STAT4: variants seen among roughly 807,000 people sequenced by gnomAD.
The protein encoded by STAT4 is signal transducer and activator of transcription 4.
STAT4 carries 42 observed loss-of-function variants against 110.5 expected under a neutral mutation model. The observed-to-expected ratio is 0.38, with a 90% confidence interval of 0.30 to 0.49. The LOEUF (loss-of-function observed/expected upper bound fraction) is 0.49. Ranked by LOEUF, STAT4 falls within the 20% of genes least tolerant of loss-of-function variation. The pLI is 0.95. For missense variants in STAT4, 632 were observed against 887.9 expected, an observed-to-expected ratio of 0.71 and a Z score of 3.66; for synonymous variants, 284 against 302.2, an observed-to-expected ratio of 0.94 and a Z score of 0.63.
In STAT4 at chr2:191,033,874, T is replaced by C. The variant is rs1310982483; in HGVS notation, c.1715+37A>G. The C allele has an allele frequency of 3.3e-6, 5 of 1,508,326 alleles. No homozygotes were observed. The highest frequency in any genetic ancestry group is 2.3e-5 in the East Asian group (1 of 44,070). 93.4% of individuals were successfully genotyped at this position (1,508,326 alleles called of 1,614,324 possible). A position where few individuals can be genotyped will look rare whatever the true frequency, so the allele number is the denominator to read the frequency against. On this transcript the variant is annotated intron_variant, in intron 19 of 23. Coordinates refer to ENST00000392320, the MANE Select transcript of STAT4 (RefSeq NM_003151.4). This position sits in a 1 kb window ranked among gnomAD's most constrained non-coding sequence, Gnocchi z 6.9. ...CCAATAACAACAGAAAAAAAGAACATAATTAACTCATATGAAAAATATAGC... is the reference window on the plus strand; with the variant it reads ...CCAATAACAACAGAAAAAAAGAACACAATTAACTCATATGAAAAATATAGC...
chr2:191,089,058 G>C (rs1053696833), intron 3 of STAT4, among the ~76,000 whole-genome samples: 1 of 152,064 alleles, frequency 6.6e-6, no homozygotes, highest in Non-Finnish European at 1.5e-5. Context: ...AACACTAAAG[G>C]CAAAATTCAT....
At chr2:191,040,157 C>G (rs3024878) in intron 15 of STAT4, among the ~76,000 whole-genome samples, 13 of 152,318 alleles carry the variant, frequency 8.5e-5, no homozygotes, top group Middle Eastern at 3.4e-3. Flanking sequence ...TGCACTGATT[C>G]ATTCACGGTG....
intron 4 of STAT4, 90 bp from the exon 5 acceptor site, chr2:191,073,280 G>A: frequency 1.0e-6 from 1 of 989,630 alleles, no homozygotes; most frequent in South Asian, 1.4e-5. Flanking sequence ...CCTGAGGTCT[G>A]GATCAATGTG....
intron 6 of STAT4, among the ~76,000 whole-genome samples, chr2:191,068,755 AG>A (rs1697064877): frequency 6.6e-6 from 1 of 152,176 alleles, no homozygotes; most frequent in African/African-American, 2.4e-5. Flanking sequence ...GATCAAAACA[AG>A]TAAATTAACA....
At chr2:191,141,615 A>G in intron 3 of STAT4, among the ~76,000 whole-genome samples, 1 of 94,518 alleles carries the variant, frequency 1.1e-5, no homozygotes, top group South Asian at 3.4e-4. Context: ...ACACACACAC[A>G]TATATATATA....
rs4434028 is a variant in STAT4, at chr2:191,042,929, G to A, written c.1252-1781C>T. On this transcript the variant is annotated intron_variant, in intron 14 of 23. Transcript: ENST00000392320. This position sits in a 1 kb window ranked among gnomAD's most constrained non-coding sequence, Gnocchi z 4.2. Reference sequence around the variant, plus strand: ...TGAGTAGCTGGGATTACAGGCATGCGCCACCATGCCTGGCTAATTTTGTAT... The same window carrying A: ...TGAGTAGCTGGGATTACAGGCATGCACCACCATGCCTGGCTAATTTTGTAT... 0.41 allele frequency among the ~76,000 whole-genome samples: 62,966 copies of A among 151,864 alleles called. 15,937 individuals are homozygous for A. The highest frequency in any genetic ancestry group is 0.57 in the Non-Finnish European group (38,645 of 67,924).
intron 3 of STAT4, among the ~76,000 whole-genome samples, chr2:191,136,269 C>T (rs1276621522): frequency 2.0e-5 from 3 of 152,124 alleles, no homozygotes; most frequent in Non-Finnish European, 2.9e-5. Flanking sequence ...CATGACAAAC[C>T]TACAGCTAAC....
At chr2:191,076,020 T>G in intron 4 of STAT4, 1 of 506,226 alleles carries the variant, frequency 2.0e-6, no homozygotes, top group Non-Finnish European at 3.6e-6. Flanking sequence ...CAACTAATTT[T>G]TAATTTTTTT....
chr2:191,121,090 C>T (rs1353755658), intron 3 of STAT4, among the ~76,000 whole-genome samples: 2 of 152,128 alleles, frequency 1.3e-5, no homozygotes, highest in Non-Finnish European at 2.9e-5. Context: ...AAACAAACAA[C>T]CCCATCAAAA....
chr2:191,088,738 A>G (rs1316068889), intron 3 of STAT4, among the ~76,000 whole-genome samples: 1 of 152,212 alleles, frequency 6.6e-6, no homozygotes, highest in Non-Finnish European at 1.5e-5. Flanking sequence ...AGATAGATCA[A>G]TGGAACAGAA....
At chr2:191,119,921 G>C (rs1432380912) in intron 3 of STAT4, among the ~76,000 whole-genome samples, 1 of 152,180 alleles carries the variant, frequency 6.6e-6, no homozygotes, top group Non-Finnish European at 1.5e-5. Context: ...ATCATTTCAA[G>C]AAATGGCTCT....
In STAT4 at chr2:191,031,251, A is replaced by G; in HGVS notation, c.2112-171T>C. ...CAACTTACTGTGGCATATATGGCATATAAAAGGGGAATTTTATAATTTTAG... is the reference window on the plus strand; with the variant it reads ...CAACTTACTGTGGCATATATGGCATGTAAAAGGGGAATTTTATAATTTTAG... On this transcript the variant is annotated intron_variant, in intron 22 of 23. Transcript: ENST00000392320. The surrounding 1 kb of genome is among the most constrained non-coding windows in gnomAD (Gnocchi z 4.8). 1.1e-6 allele frequency: 1 copy of G among 881,462 alleles called. No homozygotes were observed. Among genetic ancestry groups the G allele is most frequent in the Middle Eastern group, 2.6e-4 (1 of 3,782 alleles). 54.6% of individuals were successfully genotyped at this position (881,462 alleles called of 1,614,324 possible). A position where few individuals can be genotyped will look rare whatever the true frequency, so the allele number is the denominator to read the frequency against.
At chr2:191,088,701 C>T (rs1347258407) in intron 3 of STAT4, among the ~76,000 whole-genome samples, 4 of 152,144 alleles carry the variant, frequency 2.6e-5, no homozygotes, top group Non-Finnish European at 5.9e-5. Context: ...GTAATCAAGA[C>T]AGTGTGGTAC....
chr2:191,058,098 C>T lies in STAT4; in HGVS notation c.1126G>A (p.Val376Ile), dbSNP rs1559047895. The change falls in exon 13 of 24, where the codon GTA (valine) becomes ATA (isoleucine). Residue 376 changes from valine (V) to isoleucine (I), a missense_variant. Coordinates refer to ENST00000392320, the MANE Select transcript of STAT4 (RefSeq NM_003151.4). The surrounding 1 kb of genome is among the most constrained non-coding windows in gnomAD (Gnocchi z 4.3). ...NVSTLSNRRF[V>I]LCGTNVKAMS... ...GCTTTGACATTAGTTCCACAAAGTA[C>T]AAATCTTCGGTTGCTGGAGAGGAAA... 1 of 1,613,920 alleles carries T rather than the reference C, an allele frequency of 6.2e-7. No individual in the cohort carries two copies. Among genetic ancestry groups the T allele is most frequent in the Non-Finnish European group, 8.5e-7 (1 of 1,179,922 alleles).
intron 3 of STAT4, among the ~76,000 whole-genome samples, chr2:191,134,328 T>A (rs553940173): frequency 6.6e-6 from 1 of 152,178 alleles, no homozygotes; most frequent in African/African-American, 2.4e-5. Context: ...CCCACACACC[T>A]GCCTGGCCTA....
intron 3 of STAT4, among the ~76,000 whole-genome samples, chr2:191,092,178 G>C (rs903053341): frequency 6.6e-6 from 1 of 152,108 alleles, no homozygotes; most frequent in Non-Finnish European, 1.5e-5. Flanking sequence ...GGTTGAGGGG[G>C]GCAGATCACG....
rs546703694 is a variant in STAT4, at chr2:191,078,696, G to GA, written c.274-2372dup. 1.2e-4 allele frequency among the ~76,000 whole-genome samples: 19 copies of GA among 152,198 alleles called. No homozygotes were observed. The South Asian group carries it at 3.9e-3, about 32-fold the overall frequency. On this transcript the variant is annotated intron_variant, in intron 3 of 23. Coordinates refer to ENST00000392320, the MANE Select transcript of STAT4 (RefSeq NM_003151.4). The stretch of plus-strand genomic sequence containing the variant: ...GTGGGAGGAAGGAAGCAGCATGCCA[G>GA]AAAAAGAGAAACTGCTCATTTTCTG...
At chr2:191,100,929 C>T (rs1443475425) in intron 3 of STAT4, among the ~76,000 whole-genome samples, 1 of 151,968 alleles carries the variant, frequency 6.6e-6, no homozygotes, top group African/African-American at 2.4e-5. Context: ...ACTGGAAAGT[C>T]CTCAGGACTG....
At chr2:191,049,349 G>A (rs1696453681) in intron 14 of STAT4, among the ~76,000 whole-genome samples, 1 of 151,714 alleles carries the variant, frequency 6.6e-6, no homozygotes, top group Non-Finnish European at 1.5e-5. Context: ...CTAATTTTTT[G>A]TATTTTTTAG....
Sources: gnomAD v4.1 joint callset for allele counts (sites outside exome capture counted in the v4.1 genomes callset) on GRCh38, gnomAD v4.1.1 for gene constraint, Gnocchi (gnomAD v3.1) non-coding constraint, MANE v1.5 for transcripts, NCBI Gene and HGNC (gene_info 2026-07-23, HGNC 2026-07-21) for gene names.